AFG2A: variants seen among roughly 807,000 people sequenced by gnomAD.
AFG2A encodes AAA ATPase AFG2A, also known as ATPase family gene 2 protein homolog A.
the AFG2A span, among the ~76,000 whole-genome samples, chr4:123,070,178 T>C: frequency 7.9e-5 from 12 of 152,306 alleles, no homozygotes; most frequent in African/African-American, 2.9e-4. Context: ...GTTAGTTTAA[T>C]TTATAACTTT....
At chr4:123,230,711 A>G in the AFG2A span, among the ~76,000 whole-genome samples, 1 of 152,002 alleles carries the variant, frequency 6.6e-6, no homozygotes, top group African/African-American at 2.4e-5. Context: ...AGGAATCACT[A>G]TCTATGACTG....
At chr4:122,975,829 A>C in the AFG2A span, among the ~76,000 whole-genome samples, 1 of 152,082 alleles carries the variant, frequency 6.6e-6, no homozygotes. Flanking sequence ...GATGTGAAGA[A>C]CCATCTTTCA....
the AFG2A span, among the ~76,000 whole-genome samples, chr4:123,302,049 G>A: frequency 1.4e-3 from 218 of 152,232 alleles, 1 homozygote; most frequent in African/African-American, 5.0e-3. Flanking sequence ...GTGAGGGCTG[G>A]CAGTAAAGAA....
At chr4:123,074,095 A>ATTTTTTTTTTTTTTTTTTTTTTT in the AFG2A span, among the ~76,000 whole-genome samples, 2 of 102,050 alleles carry the variant, frequency 2.0e-5, no homozygotes, top group African/African-American at 6.8e-5. Context: ...CTCAGATAGT[A>ATTTTTTTTTTTTTTTTTTTTTTT]TTTTTTTTTT....
the AFG2A span, among the ~76,000 whole-genome samples, chr4:122,974,717 C>T: frequency 0.012 from 1,766 of 152,080 alleles, 50 homozygotes; most frequent in South Asian, 0.11. Flanking sequence ...CTCGGCTCAC[C>T]GCAGCCTCTG....
the AFG2A span, among the ~76,000 whole-genome samples, chr4:123,272,925 C>G: frequency 0.011 from 1,619 of 151,914 alleles, 38 homozygotes; most frequent in African/African-American, 0.037. Context: ...GGAGAGTCAG[C>G]AGAGAGAATA....
the AFG2A span, among the ~76,000 whole-genome samples, chr4:123,154,290 A>G: frequency 6.6e-6 from 1 of 152,084 alleles, no homozygotes; most frequent in Admixed American, 6.5e-5. Context: ...AACCGATATT[A>G]TAGAGTTCTG....
chr4:123,128,935 G>C, the AFG2A span, among the ~76,000 whole-genome samples: 5 of 152,176 alleles, frequency 3.3e-5, no homozygotes, highest in East Asian at 9.7e-4. Context: ...TAAAATGCTT[G>C]TTAATAATTT....
chr4:123,104,431 T>C, the AFG2A span, among the ~76,000 whole-genome samples: 1 of 152,182 alleles, frequency 6.6e-6, no homozygotes, highest in African/African-American at 2.4e-5. Flanking sequence ...ACTGAAATTA[T>C]GCCAAAGAAT....
At chr4:122,960,007 T>A in the AFG2A span, among the ~76,000 whole-genome samples, 1 of 152,182 alleles carries the variant, frequency 6.6e-6, no homozygotes, top group Non-Finnish European at 1.5e-5. Context: ...AAAAGTTATA[T>A]TTTCTTTATA....
chr4:123,097,511 T>C, the AFG2A span, among the ~76,000 whole-genome samples: 14 of 152,146 alleles, frequency 9.2e-5, no homozygotes, highest in African/African-American at 3.4e-4. Flanking sequence ...TGAGCCATAT[T>C]AAGATTAAAG....
chr4:123,233,759 T>G, the AFG2A span, among the ~76,000 whole-genome samples: 1 of 151,866 alleles, frequency 6.6e-6, no homozygotes, highest in African/African-American at 2.4e-5. Context: ...GAAATCCATT[T>G]GCAGTGTTTA....
At chr4:123,176,286 C>T in the AFG2A span, among the ~76,000 whole-genome samples, 2 of 152,128 alleles carry the variant, frequency 1.3e-5, no homozygotes, top group African/African-American at 2.4e-5. Flanking sequence ...TCTAATGTTG[C>T]TGTTCTGTGA....
the AFG2A span, among the ~76,000 whole-genome samples, chr4:123,128,749 T>G: frequency 6.6e-6 from 1 of 152,134 alleles, no homozygotes; most frequent in African/African-American, 2.4e-5. Context: ...CTTAAATAAT[T>G]GACAAAACAG....
At chr4:123,277,495 A>G in the AFG2A span, among the ~76,000 whole-genome samples, 1 of 152,158 alleles carries the variant, frequency 6.6e-6, no homozygotes, top group Non-Finnish European at 1.5e-5. Flanking sequence ...TTCTCTGGCT[A>G]GGACTTCCAG....
At chr4:123,028,096 G>C in the AFG2A span, 1 of 1,072,464 alleles carries the variant, frequency 9.3e-7, no homozygotes, top group Non-Finnish European at 1.4e-6. Context: ...CTTTTTTGCA[G>C]TTCTTCTGTT....
At chr4:123,284,059 G>A in the AFG2A span, among the ~76,000 whole-genome samples, 7 of 152,200 alleles carry the variant, frequency 4.6e-5, no homozygotes, top group South Asian at 4.2e-4. Flanking sequence ...AAAGGTAAGC[G>A]GAAATACATT....
At chr4:123,196,202 A>G in the AFG2A span, among the ~76,000 whole-genome samples, 96 of 84,172 alleles carry the variant, frequency 1.1e-3, no homozygotes, top group East Asian at 0.027. Context: ...GTAGGGATGG[A>G]GTTTCACCAT....
chr4:123,061,880 G>A, the AFG2A span, among the ~76,000 whole-genome samples: 1 of 152,178 alleles, frequency 6.6e-6, no homozygotes, highest in African/African-American at 2.4e-5. Context: ...ACAGTTATGT[G>A]ACATCAGAGA....
Sources: gnomAD v4.1 joint callset for allele counts (sites outside exome capture counted in the v4.1 genomes callset) on GRCh38, gnomAD v4.1.1 for gene constraint, MANE v1.5 for transcripts, NCBI Gene and HGNC (gene_info 2026-07-23, HGNC 2026-07-21) for gene names.